The following TBC1D32 variants were observed in gnomAD, a reference collection of about 807,000 sequenced individuals.
TBC1D32 encodes TBC1 domain family member 32, also known as protein broad-minded.
TBC1D32 carries 151 observed loss-of-function variants against 170.3 expected under a neutral mutation model. The ratio of observed to expected loss-of-function variants is 0.89; its 90% CI spans 0.78 to 1.01. The LOEUF is 1.01. TBC1D32 is among the 50% of genes least tolerant of loss of function. The pLI is 0.00. For missense variants in TBC1D32, 1,464 were observed against 1,457.1 expected (o/e 1.00, Z -0.08); for synonymous variants, 498 against 488.0 (o/e 1.02, Z -0.27).
Position 121,151,045 on chromosome 6 carries a change from G to A in TBC1D32, c.2773+8965C>T, listed in dbSNP as rs145768634. The stretch of plus-strand genomic sequence containing the variant: ...CTTAGTTGTTTCTTGTCTTCTGCTA[G>A]CTTTTGAATCTGTTTGCTCTTGCTT... On this transcript the variant is annotated intron_variant, in intron 24 of 31. Transcript: ENST00000398212. 1.0e-2 allele frequency among the ~76,000 whole-genome samples: 1,515 copies of A among 152,182 alleles called. 21 individuals carry two copies. The highest frequency in any genetic ancestry group is 0.034 in the African/African-American group (1,421 of 41,530).
chr6:121,255,120 C>T (rs1292776804), intron 17 of TBC1D32, among the ~76,000 whole-genome samples: 1 of 151,752 alleles, frequency 6.6e-6, no homozygotes, highest in Non-Finnish European at 1.5e-5. Context: ...CAGAATGAAA[C>T]AAGTATAATA....
At chr6:121,156,908 G>C (rs1213062926) in intron 24 of TBC1D32, among the ~76,000 whole-genome samples, 2 of 152,048 alleles carry the variant, frequency 1.3e-5, no homozygotes, top group African/African-American at 4.8e-5. Flanking sequence ...AATTCACTGA[G>C]ATTTGTTTTA....
intron 24 of TBC1D32, among the ~76,000 whole-genome samples, chr6:121,154,739 A>G (rs1242094512): frequency 1.3e-5 from 2 of 152,214 alleles, no homozygotes; most frequent in African/African-American, 4.8e-5. Flanking sequence ...GTAATTACCA[A>G]CAGAGTAAAC....
At chr6:121,205,868 G>A (rs1792186270) in intron 21 of TBC1D32, among the ~76,000 whole-genome samples, 1 of 152,130 alleles carries the variant, frequency 6.6e-6, no homozygotes, top group Non-Finnish European at 1.5e-5. Context: ...GCCAGCAGCT[G>A]TCCTAGCACT....
At chr6:121,317,423 A>G in intron 3 of TBC1D32, 72 bp downstream of exon 3, 1 of 1,245,360 alleles carries the variant, frequency 8.0e-7, no homozygotes, top group Non-Finnish European at 1.1e-6. Flanking sequence ...AATATGGCTA[A>G]GAAATAATTT....
intron 30 of TBC1D32, among the ~76,000 whole-genome samples, chr6:121,091,720 T>G (rs1423912987): frequency 6.6e-6 from 1 of 152,150 alleles, no homozygotes; most frequent in Non-Finnish European, 1.5e-5. Flanking sequence ...TGGAAACATT[T>G]TGATACATCA....
At chr6:121,102,835 A>G (rs1156989413) in intron 30 of TBC1D32, among the ~76,000 whole-genome samples, 1 of 152,164 alleles carries the variant, frequency 6.6e-6, no homozygotes, top group Non-Finnish European at 1.5e-5. Flanking sequence ...TTTGCAATCT[A>G]CTCATCTGAC....
intron 1 of TBC1D32, among the ~76,000 whole-genome samples, chr6:121,333,358 C>T (rs572278232): frequency 1.3e-5 from 2 of 152,098 alleles, no homozygotes; most frequent in Non-Finnish European, 2.9e-5. Context: ...TCAAATGGCA[C>T]TTCTATCATT....
intron 12 of TBC1D32, among the ~76,000 whole-genome samples, chr6:121,284,919 T>C (rs1156837801): frequency 6.6e-6 from 1 of 152,158 alleles, no homozygotes; most frequent in Non-Finnish European, 1.5e-5. Context: ...TCATTATGCA[T>C]AGAATTATGT....
intron 20 of TBC1D32, among the ~76,000 whole-genome samples, chr6:121,237,276 T>C (rs914770889): frequency 3.9e-5 from 6 of 152,052 alleles, no homozygotes; most frequent in African/African-American, 1.4e-4. Context: ...ATCTCTTATA[T>C]GTAATATGTG....
intron 23 of TBC1D32, 56 bp downstream of exon 23, chr6:121,160,892 C>T: frequency 7.1e-7 from 1 of 1,415,666 alleles, no homozygotes; most frequent in Non-Finnish European, 1.0e-6. Context: ...AGTTGGCTAT[C>T]TTGCTTCAAA....
intron 30 of TBC1D32, among the ~76,000 whole-genome samples, chr6:121,101,036 G>C (rs1777993820): frequency 6.6e-6 from 1 of 152,028 alleles, no homozygotes; most frequent in Non-Finnish European, 1.5e-5. Flanking sequence ...GACTAAACCA[G>C]GAAGAAGTTG....
chr6:121,283,722 C>A, intron 13 of TBC1D32, 96 bp downstream of exon 13: 1 of 848,776 alleles, frequency 1.2e-6, no homozygotes, highest in Non-Finnish European at 1.8e-6. Context: ...ACCTACTTAC[C>A]AAAGTAGGTC....
At chr6:121,126,490 A>G in intron 25 of TBC1D32, 29 bp from the exon 26 acceptor site, 1 of 1,521,702 alleles carries the variant, frequency 6.6e-7, no homozygotes, top group Non-Finnish European at 9.1e-7. Flanking sequence ...TAATTAGGAT[A>G]TTAAAGGTCA....
chr6:121,204,777 G>A (rs1032336900), intron 22 of TBC1D32, among the ~76,000 whole-genome samples: 1 of 146,952 alleles, frequency 6.8e-6, no homozygotes. Flanking sequence ...TACCAACCCA[G>A]GGAAGGTCAA....
At chr6:121,205,319 G>T (rs35549991) in intron 21 of TBC1D32, among the ~76,000 whole-genome samples, 156 bp from the exon 22 acceptor site, 146,525 of 152,124 alleles carry the variant, frequency 0.96, 70,817 homozygotes, top group East Asian at 1. Flanking sequence ...AGAAGAAGAA[G>T]AATAATAGTA....
chr6:121,288,297 G>A (rs141907150), intron 12 of TBC1D32, among the ~76,000 whole-genome samples: 4,402 of 151,904 alleles, frequency 0.029, 122 homozygotes, highest in African/African-American at 0.068. Flanking sequence ...TCAAATAGAC[G>A]CAATAAAAAA....
At chr6:121,283,991 T>C in intron 12 of TBC1D32, 81 bp from the exon 13 acceptor site, 1 of 1,033,926 alleles carries the variant, frequency 9.7e-7, no homozygotes, top group Middle Eastern at 3.0e-4. Flanking sequence ...CTTTCATCCA[T>C]CTATATAGTT....
At chr6:121,309,915 T>C (rs932735092) in intron 4 of TBC1D32, among the ~76,000 whole-genome samples, 9 of 152,110 alleles carry the variant, frequency 5.9e-5, no homozygotes, top group Admixed American at 3.9e-4. Context: ...GCATCTGTAG[T>C]CACAGCTACT....
Sources: allele counts gnomAD v4.1 joint callset (sites outside exome capture counted in the v4.1 genomes callset), GRCh38; gene constraint gnomAD v4.1.1; transcripts MANE v1.5; gene names NCBI Gene and HGNC (gene_info 2026-07-23, HGNC 2026-07-21).